The following ADGRL2 variants were observed in gnomAD, a reference collection of about 807,000 sequenced individuals.
ADGRL2 encodes the protein adhesion G protein-coupled receptor L2, also known as calcium-independent alpha-latrotoxin receptor 2.
In ADGRL2, 44 loss-of-function variants were observed where a neutral mutation model predicts 157.4. The ratio of observed to expected loss-of-function variants is 0.28; its 90% confidence interval spans 0.22 to 0.36. ADGRL2 has a LOEUF of 0.36. ADGRL2 is among the 10% of genes least tolerant of loss of function. The pLI, the probability that ADGRL2 is intolerant of heterozygous loss-of-function variation, is 1.00. For synonymous variants in ADGRL2, 585 were observed against 624.7 expected, an observed-to-expected ratio of 0.94 and a Z score of 0.95; for missense variants, 1,510 against 1,768.9, an observed-to-expected ratio of 0.85 and a Z score of 2.63.
rs998652771 is a variant in ADGRL2, at chr1:81,408,492, C to T, written c.-301-36544C>T. On this transcript the variant is annotated intron_variant, in intron 1 of 24. Transcript: ENST00000370721. ...ATATAAAGTTTACACCTAACATTAG[C>T]GTACAAACCACATTAATTAAGATGA... Among the ~76,000 whole-genome samples, 4 of 135,392 alleles carry T rather than the reference C, an allele frequency of 3.0e-5. No individual in the cohort carries two copies. The East Asian group carries it at 9.5e-4, about 32-fold the overall frequency. The allele number at this position is 135,392 out of a possible 152,430, so 88.8% of individuals were successfully genotyped here. A position where few individuals can be genotyped will look rare whatever the true frequency, so the allele number is the denominator to read the frequency against.
intron 1 of ADGRL2, among the ~76,000 whole-genome samples, chr1:81,824,192 C>T (rs1023320403): frequency 6.6e-6 from 1 of 151,820 alleles, no homozygotes; most frequent in African/African-American, 2.4e-5. Flanking sequence ...AAAGTATGTA[C>T]CCAAAAAATT....
chr1:81,965,998 C>G (rs2149274518), intron 11 of ADGRL2, 60 bp from the exon 12 acceptor site: 1 of 1,546,270 alleles, frequency 6.5e-7, no homozygotes, highest in South Asian at 1.2e-5. Flanking sequence ...CATTTGCCTC[C>G]TTAGTTAACT....
At chr1:81,717,519 T>C (rs1056254357) in intron 1 of ADGRL2, among the ~76,000 whole-genome samples, 3 of 152,232 alleles carry the variant, frequency 2.0e-5, no homozygotes, top group Non-Finnish European at 4.4e-5. Flanking sequence ...TACATGTGTG[T>C]TAGTCATCCC....
intron 3 of ADGRL2, among the ~76,000 whole-genome samples, chr1:81,634,191 T>C (rs1250212313): frequency 6.6e-6 from 1 of 152,166 alleles, no homozygotes; most frequent in African/African-American, 2.4e-5. Context: ...TTCTTATAGA[T>C]TAAGATGAGG....
At position 81,634,950 on chromosome 1, in the gene ADGRL2, G is replaced by A. The variant is rs556056191; in HGVS notation, c.-143+53970G>A. Reference sequence around the variant, plus strand: ...TCTTTAGCACTGTGTCTCTTTTTGTGTTTGCCTGAGGGCTTTCTTCAGGGG... The same window carrying A: ...TCTTTAGCACTGTGTCTCTTTTTGTATTTGCCTGAGGGCTTTCTTCAGGGG... On this transcript the variant is annotated intron_variant, in intron 3 of 24. Transcript: ENST00000370721. 7.9e-5 allele frequency among the ~76,000 whole-genome samples: 12 copies of A among 152,276 alleles called. No individual in the cohort carries two copies. In the South Asian group the frequency reaches 1.9e-3, roughly 24 times the overall value.
At chr1:81,703,005 T>C (rs536930469) in intron 1 of ADGRL2, among the ~76,000 whole-genome samples, 14 of 152,322 alleles carry the variant, frequency 9.2e-5, no homozygotes, top group African/African-American at 3.1e-4. Flanking sequence ...TAACCCAGTG[T>C]AGAAGCACAA....
intron 3 of ADGRL2, among the ~76,000 whole-genome samples, chr1:81,658,620 A>C (rs185600330): frequency 7.2e-5 from 11 of 152,206 alleles, no homozygotes; most frequent in Admixed American, 1.3e-4. Flanking sequence ...CTCTGTGTCC[A>C]TGTGTACACG....
chr1:81,948,305 A>C (rs1650594592), intron 6 of ADGRL2, among the ~76,000 whole-genome samples: 1 of 151,876 alleles, frequency 6.6e-6, no homozygotes, highest in Non-Finnish European at 1.5e-5. Flanking sequence ...AGAATGTTGC[A>C]TGAAATTTTG....
chr1:81,990,234 T>C, intron 23 of ADGRL2, 157 bp from the exon 24 acceptor site: 1 of 985,414 alleles, frequency 1.0e-6, no homozygotes, highest in Non-Finnish European at 1.2e-6. Context: ...TGCAACTATT[T>C]ACAGTTGGGA....
intron 1 of ADGRL2, among the ~76,000 whole-genome samples, chr1:81,745,056 AC>A (rs1170987270): frequency 6.6e-6 from 1 of 152,184 alleles, no homozygotes; most frequent in Non-Finnish European, 1.5e-5. Flanking sequence ...ACTGCAAGTC[AC>A]CCAGTCATTT....
At chr1:81,706,770 GATCAGGC>G (rs2083750729) in intron 1 of ADGRL2, among the ~76,000 whole-genome samples, 1 of 152,126 alleles carries the variant, frequency 6.6e-6, no homozygotes, top group Admixed American at 6.6e-5. Flanking sequence ...AGCAAGGCCT[GATCAGGC>G]ATCAAGGAGG....
At chr1:81,343,086 TC>T (rs1662198495) in intron 1 of ADGRL2, among the ~76,000 whole-genome samples, 14 of 105,080 alleles carry the variant, frequency 1.3e-4, no homozygotes, top group African/African-American at 4.1e-5. Context: ...TTTTCTTTTT[TC>T]TTTTCTTTTT....
Position 81,867,678 on chromosome 1 carries a change from CT to C in ADGRL2, c.73+30622del, listed in dbSNP as rs1243846549. ...ACATGGAATTGCTAATACTAATTAC[CT>C]AAATGAAATAAATTTATAAAGGAAA... On this transcript the variant is annotated intron_variant, in intron 2 of 23. Transcript: ENST00000686636. 4.6e-5 allele frequency among the ~76,000 whole-genome samples: 7 copies of C among 151,984 alleles called. 1 individual carries two copies. The highest frequency in any genetic ancestry group is 8.8e-5 in the Non-Finnish European group (6 of 67,984).
chr1:81,402,149 T>A (rs2076768172), intron 1 of ADGRL2, among the ~76,000 whole-genome samples: 1 of 152,172 alleles, frequency 6.6e-6, no homozygotes, highest in Non-Finnish European at 1.5e-5. Context: ...CCTCTTTACT[T>A]GACTAAATGA....
chr1:81,972,925 A>AAAAAC (rs1553210814), intron 17 of ADGRL2, among the ~76,000 whole-genome samples: 1 of 150,194 alleles, frequency 6.7e-6, no homozygotes, highest in African/African-American at 2.4e-5. Context: ...AAAAAAAAAA[A>AAAAAC]AACTTGCTCA....
chr1:81,841,454 T>G (rs1022492104), intron 2 of ADGRL2, among the ~76,000 whole-genome samples: 14 of 152,172 alleles, frequency 9.2e-5, no homozygotes, highest in African/African-American at 3.4e-4. Flanking sequence ...GGGTTAAATA[T>G]GAAATAGTGA....
At chr1:81,912,335 G>A (rs957712624) in intron 3 of ADGRL2, among the ~76,000 whole-genome samples, 3 of 152,084 alleles carry the variant, frequency 2.0e-5, no homozygotes, top group African/African-American at 7.2e-5. Flanking sequence ...GCCTCCCAAA[G>A]TGTTTGTATT....
intron 1 of ADGRL2, among the ~76,000 whole-genome samples, chr1:81,360,938 T>C (rs763376093): frequency 4.0e-5 from 6 of 151,892 alleles, no homozygotes; most frequent in Non-Finnish European, 7.4e-5. Context: ...CTAGTATCTA[T>C]GTGGAAAATT....
At chr1:81,574,293 T>G (rs11800016) in intron 2 of ADGRL2, among the ~76,000 whole-genome samples, 3,619 of 152,128 alleles carry the variant, frequency 0.024, 155 homozygotes, top group African/African-American at 0.083. Context: ...AATCAGAGAT[T>G]GGTGACTGAC....
Sources: gnomAD v4.1 joint callset for allele counts (sites outside exome capture counted in the v4.1 genomes callset) on GRCh38, gnomAD v4.1.1 for gene constraint, MANE v1.5 for transcripts, NCBI Gene and HGNC (gene_info 2026-07-23, HGNC 2026-07-21) for gene names.